Variants in LYSET observed in about 807,000 individuals in gnomAD.
LYSET encodes lysosomal enzyme trafficking factor, also known as GNPTAB cleavage and activity factor.
chr14:93,185,351 C>T, the LYSET span: 3 of 1,576,138 alleles, frequency 1.9e-6, no homozygotes. Flanking sequence ...GCGGCGCTCA[C>T]CTTTCTCCTA....
the LYSET span, among the ~76,000 whole-genome samples, chr14:93,185,868 C>CTTT: frequency 0.038 from 5,432 of 141,740 alleles, 374 homozygotes; most frequent in African/African-American, 0.13. Context: ...TTTTAGAATT[C>CTTT]TTTTTTTTTT....
the LYSET span, among the ~76,000 whole-genome samples, chr14:93,185,753 T>G: frequency 6.6e-6 from 1 of 152,230 alleles, no homozygotes; most frequent in Middle Eastern, 3.2e-3. Context: ...TTGTGTGTGT[T>G]GTTTTACTTG....
the LYSET span, chr14:93,186,398 C>G: frequency 7.4e-6 from 12 of 1,614,116 alleles, no homozygotes; most frequent in South Asian, 1.3e-4. Context: ...CCTTGGAACA[C>G]ATTCAACAGC....
chr14:93,185,248 G>T, the LYSET span: 1 of 532,718 alleles, frequency 1.9e-6, no homozygotes. Context: ...GGTTCTCAGA[G>T]CGGGTCTCCG....
the LYSET span, chr14:93,186,332 C>T: frequency 1.2e-6 from 2 of 1,614,052 alleles, no homozygotes; most frequent in South Asian, 1.1e-5. Context: ...ATCTGTTAGC[C>T]AGTGCAGCAG....
chr14:93,187,964 T>C, the LYSET span, among the ~76,000 whole-genome samples: 1 of 150,778 alleles, frequency 6.6e-6, no homozygotes, highest in African/African-American at 2.4e-5. Flanking sequence ...TATTTATTTA[T>C]GTTATTTATT....
chr14:93,185,120 C>G, the LYSET span: 1 of 150,260 alleles, frequency 6.7e-6, no homozygotes, highest in African/African-American at 2.4e-5. Context: ...GGCGGCGAGG[C>G]CCGGGCCTGG....
the LYSET span, chr14:93,186,209 G>T: frequency 1.3e-6 from 2 of 1,520,370 alleles, no homozygotes; most frequent in Admixed American, 1.9e-5. Flanking sequence ...TGGAGTAGTT[G>T]CCGTGACAGC....
chr14:93,185,307 G>C, the LYSET span: 3 of 1,194,786 alleles, frequency 2.5e-6, no homozygotes, highest in Non-Finnish European at 2.4e-6. Flanking sequence ...CAGTCACGCC[G>C]TTCTTAATCA....
the LYSET span, among the ~76,000 whole-genome samples, chr14:93,188,148 G>A: frequency 2.2e-3 from 327 of 151,522 alleles, 6 homozygotes; most frequent in Middle Eastern, 0.031. Context: ...TAGTAGAGAC[G>A]GGGTTTCACC....
chr14:93,185,983 C>G, the LYSET span, among the ~76,000 whole-genome samples: 1 of 151,846 alleles, frequency 6.6e-6, no homozygotes, highest in Non-Finnish European at 1.5e-5. Context: ...ATTCTCCTGC[C>G]TCAGCCTCCC....
At chr14:93,186,172 A>G in the LYSET span, 1 of 1,367,486 alleles carries the variant, frequency 7.3e-7, no homozygotes, top group Non-Finnish European at 1.0e-6. Flanking sequence ...CCCGGCCTAG[A>G]ATTCTTGGAG....
the LYSET span, chr14:93,186,191 A>C: frequency 6.9e-7 from 1 of 1,455,842 alleles, no homozygotes; most frequent in Non-Finnish European, 9.4e-7. Context: ...AGATAAAGCA[A>C]GTACATTTGG....
the LYSET span, among the ~76,000 whole-genome samples, chr14:93,185,815 GTTTAA>G: frequency 0.024 from 3,619 of 149,808 alleles, 149 homozygotes; most frequent in African/African-American, 0.08. Context: ...CTTAATAGGT[GTTTAA>G]TTTAATTATT....
At chr14:93,186,540 T>C in the LYSET span, 1 of 1,614,134 alleles carries the variant, frequency 6.2e-7, no homozygotes, top group Admixed American at 1.7e-5. Flanking sequence ...CCTATACTCT[T>C]GTACAAGAGC....
At chr14:93,185,266 C>G in the LYSET span, 2 of 678,384 alleles carry the variant, frequency 2.9e-6, no homozygotes, top group East Asian at 6.4e-5. Context: ...CCGGCGGCGG[C>G]GACGGGGGCC....
At chr14:93,186,584 T>C in the LYSET span, 2 of 1,614,138 alleles carry the variant, frequency 1.2e-6, no homozygotes. Context: ...GTATCATCCC[T>C]ATATGCTTGG....
chr14:93,185,570 A>T, the LYSET span: 1 of 1,149,598 alleles, frequency 8.7e-7, no homozygotes, highest in Non-Finnish European at 1.3e-6. Flanking sequence ...CTGTTATGCC[A>T]GAAAGTGTTT....
the LYSET span, chr14:93,185,587 T>A: frequency 1.0e-6 from 1 of 994,236 alleles, no homozygotes; most frequent in Non-Finnish European, 1.6e-6. Flanking sequence ...GTTTCACCTG[T>A]CAAAGTGAAA....
Sources: gnomAD v4.1 joint callset for allele counts (sites outside exome capture counted in the v4.1 genomes callset) on GRCh38, gnomAD v4.1.1 for gene constraint, MANE v1.5 for transcripts, NCBI Gene and HGNC (gene_info 2026-07-23, HGNC 2026-07-21) for gene names.